The following ANKRD55 variants were observed in gnomAD, a reference collection of about 807,000 sequenced individuals.
ANKRD55 encodes ankyrin repeat domain 55.
A neutral mutation model predicts 60.6 loss-of-function variants in ANKRD55; 41 were observed. The ratio of observed to expected loss-of-function variants is 0.68; its 90% CI spans 0.53 to 0.88. ANKRD55 has a LOEUF of 0.88. ANKRD55 is among the 40% of genes least tolerant of loss of function. The pLI is 0.00. For missense variants in ANKRD55, 732 were observed against 767.6 expected (o/e 0.95, Z 0.55); for synonymous variants, 264 against 290.3 (o/e 0.91, Z 0.92).
At chr5:56,135,240 TTCCTTCCTTCCTTCCTTCC>T (rs1757530154) in intron 7 of ANKRD55, among the ~76,000 whole-genome samples, 1 of 140,708 alleles carries the variant, frequency 7.1e-6, no homozygotes, top group Non-Finnish European at 1.5e-5. Flanking sequence ...CCTTCCTTCC[TTCCTTCCTTCCTTCCTTCC>T]TTCTTTCCCT....
At chr5:56,128,660 G>A (rs913912517) in intron 7 of ANKRD55, among the ~76,000 whole-genome samples, 2 of 150,092 alleles carry the variant, frequency 1.3e-5, no homozygotes, top group Admixed American at 6.6e-5. Flanking sequence ...CTGTGTGATC[G>A]TCTGGGCCTG....
chr5:56,103,903 A>C (rs1756367325), intron 10 of ANKRD55, among the ~76,000 whole-genome samples: 1 of 152,226 alleles, frequency 6.6e-6, no homozygotes, highest in Non-Finnish European at 1.5e-5. Context: ...CTCATGGTGG[A>C]TGGTCTGTGC....
At chr5:56,185,512 CA>C (rs1758948288) in intron 2 of ANKRD55, among the ~76,000 whole-genome samples, 2 of 151,242 alleles carry the variant, frequency 1.3e-5, no homozygotes, top group Non-Finnish European at 3.0e-5. Flanking sequence ...ACTAAAAATA[CA>C]AAAAATTAGC....
intron 3 of ANKRD55, among the ~76,000 whole-genome samples, chr5:56,178,921 G>A (rs1758798285): frequency 6.6e-6 from 1 of 152,046 alleles, no homozygotes; most frequent in African/African-American, 2.4e-5. Context: ...AAGGATTTGG[G>A]AAACTCTTAC....
intron 6 of ANKRD55, among the ~76,000 whole-genome samples, chr5:56,156,731 C>T (rs1758203542): frequency 6.6e-6 from 1 of 152,160 alleles, no homozygotes; most frequent in Non-Finnish European, 1.5e-5. Flanking sequence ...GGCAGAGTGA[C>T]CAGAGTGTGC....
At chr5:56,142,469 C>T (rs1481123998) in intron 7 of ANKRD55, among the ~76,000 whole-genome samples, 1 of 151,192 alleles carries the variant, frequency 6.6e-6, no homozygotes, top group African/African-American at 2.4e-5. Context: ...TCTAAGACAG[C>T]AGCTCTACAC....
chr5:56,103,247 A>G (rs2111654367), intron 10 of ANKRD55, among the ~76,000 whole-genome samples: 1 of 152,352 alleles, frequency 6.6e-6, no homozygotes, highest in East Asian at 1.9e-4. Flanking sequence ...TTGAGAGCTG[A>G]TGGTTACATT....
chr5:56,110,233 C>CA (rs11445540), intron 10 of ANKRD55, among the ~76,000 whole-genome samples: 17,522 of 113,776 alleles, frequency 0.15, 2,519 homozygotes, highest in African/African-American at 0.4. Flanking sequence ...TCCATCTCTA[C>CA]AAAAAAAAAA....
chr5:56,156,460 G>T lies in ANKRD55; in HGVS notation c.483+3373C>A, dbSNP rs192128459. ...GTCTGCACCGCCAGGTGCCTCCTGGGGTGGAGAAAAATAGGGAACTATGTC... is the reference window on the plus strand; with the variant it reads ...GTCTGCACCGCCAGGTGCCTCCTGGTGTGGAGAAAAATAGGGAACTATGTC... On this transcript the variant is annotated intron_variant, in intron 6 of 11. Transcript: ENST00000341048. 2.8e-4 allele frequency among the ~76,000 whole-genome samples: 43 copies of T among 152,310 alleles called. No individual in the cohort carries two copies. The South Asian group carries it at 8.5e-3, about 30-fold the overall frequency.
chr5:56,105,698 G>T (rs1756440214), intron 10 of ANKRD55, among the ~76,000 whole-genome samples: 1 of 152,126 alleles, frequency 6.6e-6, no homozygotes, highest in African/African-American at 2.4e-5. Flanking sequence ...TGCCGTGAGG[G>T]CTTTGTTTGC....
chr5:56,152,997 C>A lies in ANKRD55; in HGVS notation c.483+6836G>T, dbSNP rs568687148. Reference sequence around the variant, plus strand: ...TAAGAAAAGGTACTATGAACTATTTCAAAATAGCCAACAGCCTACGAAAAA... The same window carrying A: ...TAAGAAAAGGTACTATGAACTATTTAAAAATAGCCAACAGCCTACGAAAAA... On this transcript the variant is annotated intron_variant, in intron 6 of 11. Coordinates refer to ENST00000341048, the MANE Select transcript of ANKRD55 (RefSeq NM_024669.3). Among the ~76,000 whole-genome samples, 100 of 152,124 alleles carry A rather than the reference C, an allele frequency of 6.6e-4. 3 individuals are homozygous for A. In the Middle Eastern group the frequency reaches 0.02, roughly 31 times the overall value.
intron 10 of ANKRD55, among the ~76,000 whole-genome samples, chr5:56,103,936 T>C (rs188770231): frequency 9.8e-5 from 15 of 152,362 alleles, no homozygotes; most frequent in Admixed American, 2.0e-4. Context: ...CTCAGCAATG[T>C]TAGTTGATGG....
intron 6 of ANKRD55, among the ~76,000 whole-genome samples, chr5:56,150,501 G>A (rs1310882461): frequency 6.6e-6 from 1 of 151,912 alleles, no homozygotes; most frequent in Non-Finnish European, 1.5e-5. Context: ...CTACTTGGGA[G>A]GCTGAGGTGG....
chr5:56,170,452 G>A (rs1158868298), intron 5 of ANKRD55, among the ~76,000 whole-genome samples: 1 of 151,866 alleles, frequency 6.6e-6, no homozygotes, highest in African/African-American at 2.4e-5. Context: ...TATGAATTCT[G>A]ATAATGACAA....
intron 2 of ANKRD55, among the ~76,000 whole-genome samples, chr5:56,185,534 G>A (rs1238139558): frequency 1.3e-5 from 2 of 151,788 alleles, no homozygotes; most frequent in East Asian, 1.9e-4. Flanking sequence ...TGGGCCTGGT[G>A]GTGCATGCCT....
intron 2 of ANKRD55, chr5:56,193,419 T>C (rs1240443036): frequency 1.7e-6 from 1 of 585,350 alleles, no homozygotes; most frequent in East Asian, 3.5e-5. Context: ...ATTACAACTA[T>C]TATCCTCCTG....
At chr5:56,135,355 CTTT>C (rs1757561570) in intron 7 of ANKRD55, among the ~76,000 whole-genome samples, 1 of 52,268 alleles carries the variant, frequency 1.9e-5, no homozygotes, top group Non-Finnish European at 3.8e-5. Flanking sequence ...TTCTTTCTTT[CTTT>C]CTTTCTTTCC....
At chr5:56,146,281 C>T (rs1001629840) in intron 6 of ANKRD55, among the ~76,000 whole-genome samples, 4 of 150,900 alleles carry the variant, frequency 2.7e-5, no homozygotes, top group Admixed American at 2.0e-4. Flanking sequence ...TTACTATGCT[C>T]CACTGATTTT....
At chr5:56,231,682 CACACACACACACACAT>C (rs1257554596) in intron 2 of ANKRD55, among the ~76,000 whole-genome samples, 10 of 147,854 alleles carry the variant, frequency 6.8e-5, no homozygotes, top group African/African-American at 2.4e-4. Flanking sequence ...CACACACACA[CACACACACACACACAT>C]ACACATACAC....
Sources: allele counts gnomAD v4.1 joint callset (sites outside exome capture counted in the v4.1 genomes callset), GRCh38; gene constraint gnomAD v4.1.1; transcripts MANE v1.5; gene names NCBI Gene and HGNC (gene_info 2026-07-23, HGNC 2026-07-21).